Variants in SHLD2 observed in about 807,000 individuals in gnomAD.
SHLD2 encodes shieldin complex subunit 2.
A neutral mutation model predicts 73.2 loss-of-function variants in SHLD2; 30 were observed. That is an observed-to-expected ratio of 0.41 (90% CI 0.31 to 0.56). The LOEUF is 0.56. SHLD2 is among the 20% of genes least tolerant of loss of function. The pLI, the probability that SHLD2 is intolerant of heterozygous loss-of-function variation, is 0.28. For missense variants in SHLD2, 745 were observed against 1,055.9 expected (o/e 0.71, Z 4.08); for synonymous variants, 285 against 370.1 (o/e 0.77, Z 2.64).
At chr10:87,179,547 G>A (rs554285765) in intron 7 of SHLD2, among the ~76,000 whole-genome samples, 4 of 152,150 alleles carry the variant, frequency 2.6e-5, no homozygotes, top group East Asian at 1.9e-4. Flanking sequence ...GACTACAGGC[G>A]CCAGCCACCG....
chr10:87,161,162 T>C (rs940133658), intron 4 of SHLD2, among the ~76,000 whole-genome samples: 1 of 152,092 alleles, frequency 6.6e-6, no homozygotes, highest in African/African-American at 2.4e-5. Flanking sequence ...TGTTAAAAAA[T>C]ATCATTAGGC....
chr10:87,143,533 A>T (rs1307388579), intron 2 of SHLD2, among the ~76,000 whole-genome samples: 1 of 152,096 alleles, frequency 6.6e-6, no homozygotes, highest in African/African-American at 2.4e-5. Context: ...AATGTATATC[A>T]TAGTTTTTAG....
intron 3 of SHLD2, among the ~76,000 whole-genome samples, chr10:87,154,610 T>A (rs1319916191): frequency 2.0e-5 from 3 of 151,656 alleles, no homozygotes; most frequent in Admixed American, 6.6e-5. Flanking sequence ...CGAACTCCTG[T>A]CCTCAGGTGA....
In SHLD2 at chr10:87,190,636, G is replaced by A; in HGVS notation, c.2668G>A (p.Asp890Asn). Reference protein sequence around the residue: ...YPLQQDFSLLDFYPDIVKHGA... With the variant: ...YPLQQDFSLLNFYPDIVKHGA... ...ATTACAACAAGATTTCTCCCTCCTG[G>A]ATTTTTATCCTGACATTGTAAAGCA... The change falls in exon 10 of 10, where the codon GAT (aspartate) becomes AAT (asparagine). Residue 890 changes from aspartate (D) to asparagine (N), a missense_variant. Coordinates refer to ENST00000298786, the MANE Select transcript of SHLD2 (RefSeq NM_001330112.2). 1 of 1,611,906 alleles carries A rather than the reference G, an allele frequency of 6.2e-7. No homozygotes were observed. Among genetic ancestry groups the A allele is most frequent in the Non-Finnish European group, 8.5e-7 (1 of 1,179,826 alleles).
At chr10:87,094,689 G>A (rs1589394595), upstream of SHLD2, 5 of 1,499,346 alleles carry the variant, frequency 3.3e-6, no homozygotes, top group Middle Eastern at 2.4e-4. The surrounding 1 kb of genome is among the most constrained non-coding windows in gnomAD (Gnocchi z 6.6). Context: ...CCAGCAACGC[G>A]GCCGAGTCGG....
At chr10:87,179,806 T>A (rs1564614402) in intron 7 of SHLD2, among the ~76,000 whole-genome samples, 1 of 152,148 alleles carries the variant, frequency 6.6e-6, no homozygotes, top group Admixed American at 6.5e-5. Flanking sequence ...AAAGGAGGTA[T>A]TGAACTTATT....
intron 2 of SHLD2, among the ~76,000 whole-genome samples, chr10:87,109,750 C>T (rs1401210050): frequency 6.6e-6 from 1 of 152,174 alleles, no homozygotes; most frequent in African/African-American, 2.4e-5. Flanking sequence ...TATGTCATCA[C>T]CTGCCTTTCC....
intron 2 of SHLD2, among the ~76,000 whole-genome samples, chr10:87,103,330 C>A (rs1490628749): frequency 1.3e-5 from 2 of 151,970 alleles, no homozygotes; most frequent in Non-Finnish European, 2.9e-5. Flanking sequence ...CATTAATCAG[C>A]CAGATGGAAG....
At chr10:87,180,828 C>T (rs1848257618) in intron 8 of SHLD2, among the ~76,000 whole-genome samples, 1 of 152,118 alleles carries the variant, frequency 6.6e-6, no homozygotes, top group Non-Finnish European at 1.5e-5. Context: ...ATATTTTTCT[C>T]TTTACCTCAT....
intron 3 of SHLD2, among the ~76,000 whole-genome samples, chr10:87,157,309 C>G (rs973531426): frequency 2.6e-5 from 4 of 152,168 alleles, no homozygotes; most frequent in African/African-American, 4.8e-5. Context: ...TTCCTATTAT[C>G]TCTACATTAT....
chr10:87,175,374 A>G (rs937714723), intron 6 of SHLD2, among the ~76,000 whole-genome samples: 4 of 151,556 alleles, frequency 2.6e-5, no homozygotes, highest in African/African-American at 9.7e-5. Context: ...AGGAATCTTT[A>G]GAAAATATTT....
chr10:87,165,135 T>G (rs1173388834), intron 4 of SHLD2, among the ~76,000 whole-genome samples: 1 of 151,620 alleles, frequency 6.6e-6, no homozygotes, highest in African/African-American at 2.4e-5. Context: ...TGCAGTGAGC[T>G]GTGATCATGC....
chr10:87,123,026 C>T (rs1564585092), intron 2 of SHLD2, among the ~76,000 whole-genome samples: 1 of 152,204 alleles, frequency 6.6e-6, no homozygotes, highest in Non-Finnish European at 1.5e-5. Context: ...ATCCACCCGC[C>T]TTGGCCTCCC....
chr10:87,152,804 A>C lies in SHLD2; in HGVS notation c.1450A>C (p.Lys484Gln). The C allele has an allele frequency of 6.2e-7, 1 of 1,611,438 alleles. No homozygotes were observed. The highest frequency in any genetic ancestry group is 2.2e-5 in the East Asian group (1 of 44,848). ...VTVIDQSETK[K>Q]KVFLWRTAAF... Reference sequence around the variant, plus strand: ...AGTAATTGATCAATCAGAAACTAAGAAGAAGGTTTTTCTGTGGAGGACTGC... The same window carrying C: ...AGTAATTGATCAATCAGAAACTAAGCAGAAGGTTTTTCTGTGGAGGACTGC... The change falls in exon 3 of 10, where the codon AAG (lysine) becomes CAG (glutamine). Residue 484 changes from lysine to glutamine, a missense_variant. Coordinates refer to ENST00000298786, the MANE Select transcript of SHLD2 (RefSeq NM_001330112.2).
upstream of SHLD2, chr10:87,094,514 C>G (rs546318407): frequency 6.2e-7 from 1 of 1,613,104 alleles, no homozygotes; most frequent in African/African-American, 1.3e-5. This position sits in a 1 kb window ranked among gnomAD's most constrained non-coding sequence, Gnocchi z 6.6. Context: ...AGGTCCTCCA[C>G]CAGCTTGTCC....
At chr10:87,149,200 T>C (rs1456882886) in intron 2 of SHLD2, among the ~76,000 whole-genome samples, 1 of 151,822 alleles carries the variant, frequency 6.6e-6, no homozygotes, top group Non-Finnish European at 1.5e-5. Context: ...AACCAACATT[T>C]CAAGATAATA....
chr10:87,174,166 AAAC>A (rs1166272871), intron 6 of SHLD2, among the ~76,000 whole-genome samples: 1 of 151,680 alleles, frequency 6.6e-6, no homozygotes, highest in East Asian at 1.9e-4. Flanking sequence ...GAAAAATAAA[AAAC>A]AACCAGAGTC....
chr10:87,147,074 AAAAAAAAAAAAAAAC>A (rs1303160548), intron 2 of SHLD2, among the ~76,000 whole-genome samples: 1 of 127,494 alleles, frequency 7.8e-6, no homozygotes, highest in Non-Finnish European at 1.6e-5. Flanking sequence ...AAAAAAAAGA[AAAAAAAAAAAAAAAC>A]AAAAAAACCT....
intron 3 of SHLD2, among the ~76,000 whole-genome samples, chr10:87,153,862 C>T (rs1465053706): frequency 6.6e-6 from 1 of 152,006 alleles, no homozygotes; most frequent in Non-Finnish European, 1.5e-5. Flanking sequence ...TATACTCTTA[C>T]TATATAGTTG....
Sources: allele counts gnomAD v4.1 joint callset (sites outside exome capture counted in the v4.1 genomes callset), GRCh38; gene constraint gnomAD v4.1.1; non-coding constraint Gnocchi (gnomAD v3.1); transcripts MANE v1.5; gene names NCBI Gene and HGNC (gene_info 2026-07-23, HGNC 2026-07-21).